ABCC1: variants seen among roughly 807,000 people sequenced by gnomAD.
ABCC1 encodes the protein ATP binding cassette subfamily C member 1 (ABCC1 blood group), also known as multidrug resistance-associated protein 1.
In ABCC1, 83 loss-of-function variants were observed where a neutral mutation model predicts 172.9. The ratio of observed to expected loss-of-function variants is 0.48; its 90% CI spans 0.40 to 0.58. The LOEUF (loss-of-function observed/expected upper bound fraction) is 0.58. Among genes scored for constraint, ABCC1 ranks in the 20% least tolerant of loss-of-function variants. The pLI is 0.00. For synonymous variants in ABCC1, 937 were observed against 825.2 expected, an observed-to-expected ratio of 1.14 and a Z score of -2.32; for missense variants, 1,817 against 2,002.7, an observed-to-expected ratio of 0.91 and a Z score of 1.77.
rs976864796 is a variant in ABCC1 at position 16,098,686 on chromosome 16, T to C, written c.2645-3941T>C. On this transcript the variant is annotated intron_variant, in intron 19 of 30. Transcript: ENST00000399410. ...AAGGGGTTGGTCTTGTGCAGTGTGC[T>C]TGTCCCGGATCCACCCAGCACGTGT... Among the ~76,000 whole-genome samples the C allele has an allele frequency of 5.9e-5, 9 of 152,336 alleles. 1 individual carries two copies. The highest frequency in any genetic ancestry group is 6.8e-3 in the Middle Eastern group (2 of 294).
chr16:16,128,146 AT>A (rs1486900358), intron 26 of ABCC1, among the ~76,000 whole-genome samples: 1 of 149,148 alleles, frequency 6.7e-6, no homozygotes, highest in Non-Finnish European at 1.5e-5. Flanking sequence ...ATGCCATGGA[AT>A]TCACCCAGTT....
At chr16:16,055,473 C>T (rs1393689374) in intron 11 of ABCC1, among the ~76,000 whole-genome samples, 1 of 151,836 alleles carries the variant, frequency 6.6e-6, no homozygotes, top group East Asian at 1.9e-4. Context: ...TCTCTTTAAC[C>T]CGGGAGGCAG....
intron 9 of ABCC1, among the ~76,000 whole-genome samples, chr16:16,047,839 C>A (rs927861073): frequency 6.6e-6 from 1 of 151,230 alleles, no homozygotes; most frequent in African/African-American, 2.4e-5. Context: ...CCCACCACTC[C>A]CCCCAGAAAA....
At position 16,046,034 on chromosome 16, in the gene ABCC1, G is replaced by A. The variant is rs753828110; in HGVS notation, c.1218+21G>A. The stretch of plus-strand genomic sequence containing the variant: ...GGAAGGTAGGGGACGCTGTGCCATT[G>A]GCATGTGGCCCGACTTCCACATCCC... On this transcript the variant is annotated intron_variant, in intron 9 of 30. Transcript: ENST00000399410. 6.2e-6 allele frequency: 10 copies of A among 1,612,392 alleles called. No individual in the cohort carries two copies. The South Asian group carries it at 1.1e-4, about 18-fold the overall frequency.
chr16:16,123,611 G>A (rs960920682), intron 24 of ABCC1, among the ~76,000 whole-genome samples: 5 of 152,014 alleles, frequency 3.3e-5, no homozygotes, highest in African/African-American at 1.2e-4. Context: ...TGGGCAACGA[G>A]AGCGAAACTC....
At chr16:16,012,390 A>G (rs751015078) in intron 3 of ABCC1, among the ~76,000 whole-genome samples, 79 of 152,180 alleles carry the variant, frequency 5.2e-4, no homozygotes, top group Admixed American at 1.2e-3. Context: ...TAAGCGTTCC[A>G]TAAATGCATG....
chr16:16,016,366 A>G, intron 4 of ABCC1, 130 bp from the exon 5 acceptor site: 3 of 1,152,774 alleles, frequency 2.6e-6, no homozygotes, highest in East Asian at 2.4e-5. Context: ...GTTGACCAGG[A>G]TGGTCTCCAA....
chr16:16,015,300 C>T (rs151146891), intron 4 of ABCC1, among the ~76,000 whole-genome samples: 8 of 152,150 alleles, frequency 5.3e-5, no homozygotes, highest in Non-Finnish European at 7.4e-5. Flanking sequence ...CCACCATGCC[C>T]AGCTAATTTT....
intron 27 of ABCC1, among the ~76,000 whole-genome samples, 177 bp from the exon 28 acceptor site, chr16:16,134,173 C>T (rs974271440): frequency 3.3e-5 from 5 of 152,108 alleles, no homozygotes; most frequent in Non-Finnish European, 7.3e-5. Context: ...CCTTCTTGAC[C>T]TTCGGCCGAA....
chr16:16,052,865 C>A (rs747125256), intron 11 of ABCC1, 49 bp downstream of exon 11: 3 of 1,572,572 alleles, frequency 1.9e-6, no homozygotes, highest in Non-Finnish European at 2.6e-6. Context: ...TAGGCAGAGG[C>A]CTCTCCATGA....
chr16:16,028,946 T>C (rs1597140064), intron 5 of ABCC1, among the ~76,000 whole-genome samples: 1 of 152,170 alleles, frequency 6.6e-6, no homozygotes, highest in South Asian at 2.1e-4. Flanking sequence ...GATGATCTTA[T>C]TAAAGATCTG....
chr16:16,103,048 T>G (rs2051844144), intron 20 of ABCC1, among the ~76,000 whole-genome samples: 2 of 152,106 alleles, frequency 1.3e-5, no homozygotes, highest in African/African-American at 4.8e-5. Flanking sequence ...GAAGCAGCAT[T>G]TGATTTAAAA....
At chr16:16,104,045 G>A (rs145286174) in intron 20 of ABCC1, among the ~76,000 whole-genome samples, 363 of 152,198 alleles carry the variant, frequency 2.4e-3, no homozygotes, top group African/African-American at 8.1e-3. Context: ...TGGCGTGTCT[G>A]GAGTCGTTCG....
chr16:16,131,723 A>C, intron 26 of ABCC1, 66 bp from the exon 27 acceptor site: 1 of 1,567,278 alleles, frequency 6.4e-7, no homozygotes, highest in African/African-American at 1.4e-5. Context: ...AGGGGAGGTC[A>C]GGGGAGTCAC....
intron 20 of ABCC1, among the ~76,000 whole-genome samples, chr16:16,103,194 G>A (rs768443947): frequency 3.3e-5 from 5 of 152,104 alleles, no homozygotes; most frequent in Non-Finnish European, 7.4e-5. Flanking sequence ...TACAAAAAAG[G>A]AAGTATGCTC....
intron 6 of ABCC1, 108 bp downstream of exon 6, chr16:16,033,278 C>G (rs2048622313): frequency 1.8e-6 from 2 of 1,121,172 alleles, no homozygotes; most frequent in Non-Finnish European, 2.7e-6. Flanking sequence ...CCCTCCTTTG[C>G]TCTTCTGCAG....
At chr16:16,117,682 T>C (rs2152103238) in intron 23 of ABCC1, among the ~76,000 whole-genome samples, 1 of 152,300 alleles carries the variant, frequency 6.6e-6, no homozygotes, top group East Asian at 1.9e-4. Context: ...GAGGCGCGTG[T>C]ATCACCTGAA....
At chr16:16,068,393 A>G (rs1201817325) in intron 13 of ABCC1, 91 bp downstream of exon 13, 1 of 1,474,444 alleles carries the variant, frequency 6.8e-7, no homozygotes, top group African/African-American at 1.4e-5. Context: ...CAGCCTCTAG[A>G]TCACACTCCC....
chr16:15,963,191 G>A (rs1007195299), intron 1 of ABCC1, among the ~76,000 whole-genome samples: 17 of 152,232 alleles, frequency 1.1e-4, no homozygotes, highest in East Asian at 1.9e-4. Flanking sequence ...CTTTGACTCC[G>A]TGTCTCACAT....
Sources: gnomAD v4.1 joint callset for allele counts (sites outside exome capture counted in the v4.1 genomes callset) on GRCh38, gnomAD v4.1.1 for gene constraint, MANE v1.5 for transcripts, NCBI Gene and HGNC (gene_info 2026-07-23, HGNC 2026-07-21) for gene names.